Variants in UEVLD observed in about 807,000 individuals in gnomAD.
UEVLD encodes UEV and lactate/malate dehyrogenase domains.
UEVLD carries 47 observed loss-of-function variants against 58.6 expected under a neutral mutation model. The ratio of observed to expected loss-of-function variants is 0.80; its 90% CI spans 0.63 to 1.02. UEVLD has a LOEUF of 1.02. UEVLD is among the 50% of genes least tolerant of loss of function. The pLI is 0.00. For missense variants in UEVLD, 510 were observed against 550.6 expected (o/e 0.93, Z 0.74); for synonymous variants, 197 against 195.3 (o/e 1.01, Z -0.07).
intron 7 of UEVLD, among the ~76,000 whole-genome samples, chr11:18,553,154 C>CAAAAAAAA (rs34297128): frequency 1.2e-5 from 1 of 81,578 alleles, no homozygotes. Flanking sequence ...GGTTCCGTCT[C>CAAAAAAAA]AAAAAAAAAA....
chr11:18,584,470 C>CA (rs1292636710), intron 1 of UEVLD, among the ~76,000 whole-genome samples: 1 of 151,668 alleles, frequency 6.6e-6, no homozygotes, highest in Non-Finnish European at 1.5e-5. Context: ...AACTGTCTGA[C>CA]AAAGCTTTCT....
chr11:18,560,794 T>C (rs756005600), intron 6 of UEVLD, among the ~76,000 whole-genome samples: 3 of 152,172 alleles, frequency 2.0e-5, no homozygotes, highest in Non-Finnish European at 4.4e-5. Context: ...GTTGGTTGCC[T>C]GAGTTCAGGA....
At position 18,571,209 on chromosome 11, in the gene UEVLD, T is replaced by C. The variant is rs537948625; in HGVS notation, c.194-832A>G. On this transcript the variant is annotated intron_variant, in intron 3 of 11. Transcript: ENST00000396197. ...AAAAATTCAAAAAGTTAACCGGGCATGGTGGCAAGCACCTGTAATCCCAGA... is the reference window on the plus strand; with the variant it reads ...AAAAATTCAAAAAGTTAACCGGGCACGGTGGCAAGCACCTGTAATCCCAGA... 1.5e-3 allele frequency among the ~76,000 whole-genome samples: 234 copies of C among 152,196 alleles called. 3 individuals carry two copies. Among genetic ancestry groups the C allele is most frequent in the Non-Finnish European group, 5.9e-5 (4 of 68,010 alleles).
rs34170647 is a variant in UEVLD at position 18,581,162 on chromosome 11, C to CAA, written c.43-2356_43-2355dup. ...GGGCAACAAGAGCTAGACTCAGTCT[C>CAA]AAAAAAAAAAAAAAAAAAGATATAG... On this transcript the variant is annotated intron_variant, in intron 1 of 11. Transcript: ENST00000396197. Among the ~76,000 whole-genome samples the CAA allele has an allele frequency of 2.6e-3, 213 of 82,868 alleles. 1 individual carries two copies. Among genetic ancestry groups the CAA allele is most frequent in the African/African-American group, 8.8e-3 (191 of 21,784 alleles). The allele number at this position is 82,868 out of a possible 152,430, so 54.4% of individuals were successfully genotyped here.
intron 1 of UEVLD, among the ~76,000 whole-genome samples, chr11:18,586,431 G>C (rs1180356217): frequency 1.3e-5 from 2 of 152,080 alleles, no homozygotes; most frequent in Non-Finnish European, 1.5e-5. Flanking sequence ...TGGACAGGCC[G>C]ATCTCGAACT....
chr11:18,577,703 C>T (rs1375201182), intron 2 of UEVLD, among the ~76,000 whole-genome samples: 1 of 151,974 alleles, frequency 6.6e-6, no homozygotes, highest in Non-Finnish European at 1.5e-5. Flanking sequence ...AACCCCATCT[C>T]TACTAAAAAT....
chr11:18,555,067 ACGGCTTGAATCCAGGAGTT>A (rs964838001), intron 7 of UEVLD, among the ~76,000 whole-genome samples: 5 of 152,128 alleles, frequency 3.3e-5, no homozygotes, highest in Non-Finnish European at 5.9e-5. Context: ...AGGAGAGAGA[ACGGCTTGAATCCAGGAGTT>A]CAAGACCAAC....
At chr11:18,570,978 T>C (rs1852579362) in intron 3 of UEVLD, among the ~76,000 whole-genome samples, 1 of 151,538 alleles carries the variant, frequency 6.6e-6, no homozygotes, top group Non-Finnish European at 1.5e-5. Flanking sequence ...AAATGTTTAC[T>C]AATATAGCCA....
intron 9 of UEVLD, among the ~76,000 whole-genome samples, chr11:18,541,702 G>A (rs1345541769): frequency 6.6e-6 from 1 of 152,208 alleles, no homozygotes; most frequent in African/African-American, 2.4e-5. Flanking sequence ...ACTGTGAAGT[G>A]ATGTGATCAG....
At chr11:18,543,366 T>C (rs1186300643) in intron 9 of UEVLD, among the ~76,000 whole-genome samples, 1 of 152,234 alleles carries the variant, frequency 6.6e-6, no homozygotes, top group Admixed American at 6.5e-5. Flanking sequence ...ATTTATCTCA[T>C]TGAAACCTTC....
intron 3 of UEVLD, among the ~76,000 whole-genome samples, chr11:18,571,440 T>A (rs10766485): frequency 0.39 from 59,074 of 151,898 alleles, 11,940 homozygotes; most frequent in East Asian, 0.66. Context: ...AGCAGTATTC[T>A]TGCATTTTAA....
chr11:18,544,152 G>A (rs566389136), intron 9 of UEVLD, among the ~76,000 whole-genome samples: 4 of 152,170 alleles, frequency 2.6e-5, no homozygotes, highest in African/African-American at 7.2e-5. Flanking sequence ...TAATTACAAC[G>A]AGAATGACAC....
intron 7 of UEVLD, 44 bp from the exon 8 acceptor site, chr11:18,547,094 T>C: frequency 6.4e-7 from 1 of 1,572,476 alleles, no homozygotes; most frequent in East Asian, 2.3e-5. Flanking sequence ...ATACAGGCTT[T>C]AATCAAGTTC....
In UEVLD at chr11:18,546,896, G is replaced by A. The variant is rs200715682; in HGVS notation, c.870C>T (p.Leu290=). The A allele has an allele frequency of 3.9e-5, 63 of 1,613,530 alleles. 1 individual carries two copies. In the East Asian group the frequency reaches 7.6e-4, roughly 19 times the overall value. Residue 290 remains leucine (L), a synonymous_variant, in exon 8 of 12, where the codon CTC becomes CTT. Coordinates refer to ENST00000396197, the MANE Select transcript of UEVLD (RefSeq NM_001040697.4). ...GCATTTTACCTGGTTGAGATGCAAC[G>A]AGCAGGACACTGTGTTGACTATAAT... ...LGHYSQHSVL[L]VASQPVEIMT...
intron 3 of UEVLD, among the ~76,000 whole-genome samples, chr11:18,571,132 G>C (rs1030877920): frequency 2.6e-5 from 4 of 151,966 alleles, no homozygotes; most frequent in African/African-American, 9.7e-5. Context: ...GACCACTTGA[G>C]GTCAGGAGTT....
chr11:18,541,022 C>T (rs1411446109), intron 9 of UEVLD, among the ~76,000 whole-genome samples: 1 of 152,146 alleles, frequency 6.6e-6, no homozygotes, highest in African/African-American at 2.4e-5. Flanking sequence ...TAAATTGTTC[C>T]TCTGAAGAGC....
intron 8 of UEVLD, among the ~76,000 whole-genome samples, chr11:18,545,015 TATACGTGTATATA>T (rs1365400782): frequency 1.3e-5 from 2 of 148,842 alleles, no homozygotes; most frequent in Non-Finnish European, 3.0e-5. Flanking sequence ...CGTATGTATA[TATACGTGTATATA>T]TGTGTGTGTA....
chr11:18,588,724 CGG>C lies in UEVLD; in HGVS notation c.-72_-71del. ...ACCTTCTTCCGGACTTGCTGCAGGACGGAAGCCGCTGAGGACCAAACTTCCCG... is the reference window on the plus strand; with the variant it reads ...ACCTTCTTCCGGACTTGCTGCAGGACAAGCCGCTGAGGACCAAACTTCCCG... On this transcript the variant is annotated 5_prime_UTR_variant, in exon 1 of 12. Transcript: ENST00000396197. The C allele has an allele frequency of 6.4e-7, 1 of 1,554,712 alleles. No homozygotes were observed.
intron 10 of UEVLD, 66 bp from the exon 11 acceptor site, chr11:18,534,519 G>A (rs1850707454): frequency 1.3e-6 from 2 of 1,489,372 alleles, no homozygotes. Flanking sequence ...TTACATTCTG[G>A]CTAAGGTATT....
Sources: gnomAD v4.1 joint callset for allele counts (sites outside exome capture counted in the v4.1 genomes callset) on GRCh38, gnomAD v4.1.1 for gene constraint, MANE v1.5 for transcripts, NCBI Gene and HGNC (gene_info 2026-07-23, HGNC 2026-07-21) for gene names.